Variants in ARSJ observed in about 807,000 individuals in gnomAD.
ARSJ encodes arylsulfatase J.
ARSJ carries 26 observed loss-of-function variants against 35.9 expected under a neutral mutation model. That is an observed-to-expected ratio of 0.72 (90% CI 0.53 to 1.00). The LOEUF is 1.00. Among genes scored for constraint, ARSJ ranks in the 50% least tolerant of loss-of-function variants. The pLI is 0.00. For synonymous variants in ARSJ, 294 were observed against 267.6 expected (o/e 1.10, Z -0.96); for missense variants, 667 against 723.6 (o/e 0.92, Z 0.90).
intron 1 of ARSJ, among the ~76,000 whole-genome samples, chr4:113,912,793 T>C (rs908494059): frequency 1.3e-5 from 2 of 151,592 alleles, no homozygotes; most frequent in African/African-American, 2.4e-5. Context: ...AAAGAAAAAA[T>C]GTATACATAT....
At chr4:113,950,181 T>C (rs555562884) in intron 1 of ARSJ, among the ~76,000 whole-genome samples, 4 of 152,276 alleles carry the variant, frequency 2.6e-5, no homozygotes, top group South Asian at 2.1e-4. Context: ...GAAACCTGTT[T>C]CTGAAAGAAC....
intron 1 of ARSJ, among the ~76,000 whole-genome samples, chr4:113,950,212 T>G (rs890717811): frequency 6.6e-6 from 1 of 152,114 alleles, no homozygotes; most frequent in Non-Finnish European, 1.5e-5. Context: ...TTTCCCTCCC[T>G]TTGAAGTGAT....
intron 1 of ARSJ, among the ~76,000 whole-genome samples, chr4:113,905,608 T>C (rs1236811438): frequency 6.6e-6 from 1 of 151,388 alleles, no homozygotes; most frequent in African/African-American, 2.4e-5. Flanking sequence ...AATAATCTTT[T>C]CATAAACATC....
At chr4:113,972,313 A>AAC (rs1476738381) in intron 1 of ARSJ, among the ~76,000 whole-genome samples, 1 of 149,986 alleles carries the variant, frequency 6.7e-6, no homozygotes, top group Non-Finnish European at 1.5e-5. Flanking sequence ...AAAACAAAAA[A>AAC]AAAAACCCCA....
chr4:113,938,569 C>G (rs1317057884), intron 1 of ARSJ, among the ~76,000 whole-genome samples: 1 of 151,984 alleles, frequency 6.6e-6, no homozygotes, highest in East Asian at 1.9e-4. Context: ...AGCTTCTGCA[C>G]AGCAAAAGAA....
intron 1 of ARSJ, among the ~76,000 whole-genome samples, chr4:113,914,490 G>A (rs1050917181): frequency 2.0e-5 from 3 of 152,114 alleles, no homozygotes; most frequent in African/African-American, 7.2e-5. Context: ...AAAAAAAATG[G>A]TAATGTTCTC....
chr4:113,970,883 A>C (rs1326123449), intron 1 of ARSJ: 2 of 152,166 alleles, frequency 1.3e-5, no homozygotes, highest in Non-Finnish European at 2.9e-5. Context: ...TGAGCCTGGG[A>C]GGTTGAGGCT....
chr4:113,906,718 T>G (rs1224379735), intron 1 of ARSJ: 2 of 456,106 alleles, frequency 4.4e-6, no homozygotes, highest in Non-Finnish European at 8.8e-6. Context: ...GGGAAGTACT[T>G]AATCCCTCTG....
intron 1 of ARSJ, among the ~76,000 whole-genome samples, chr4:113,933,850 G>T (rs1224472600): frequency 1.3e-5 from 2 of 151,692 alleles, no homozygotes; most frequent in African/African-American, 4.8e-5. Context: ...CATTTTTATA[G>T]AATTATGTTT....
chr4:113,910,744 G>A lies in ARSJ; in HGVS notation c.399-7069C>T, dbSNP rs561133058. On this transcript the variant is annotated intron_variant, in intron 1 of 1. Coordinates refer to ENST00000315366, the MANE Select transcript of ARSJ (RefSeq NM_024590.4). ...AATCTCATGAATAAGTGAATTAATT[G>A]CTTGTTTAACACTCCTTCTCCTACA... Among the ~76,000 whole-genome samples, 2 of 152,094 alleles carry A rather than the reference G, an allele frequency of 1.3e-5. 1 individual carries two copies. Among genetic ancestry groups the A allele is most frequent in the South Asian group, 4.1e-4 (2 of 4,826 alleles).
intron 1 of ARSJ, among the ~76,000 whole-genome samples, chr4:113,965,245 G>A (rs941424178): frequency 1.3e-5 from 2 of 151,964 alleles, no homozygotes; most frequent in Admixed American, 1.3e-4. Context: ...AAACTGTATG[G>A]GAAACAATTT....
rs190654069 is a variant in ARSJ, at chr4:113,940,341, G to C, written c.399-36666C>G. Among the ~76,000 whole-genome samples, 77 of 152,204 alleles carry C rather than the reference G, an allele frequency of 5.1e-4. 1 individual carries two copies. Among genetic ancestry groups the C allele is most frequent in the African/African-American group, 1.5e-3 (64 of 41,546 alleles). On this transcript the variant is annotated intron_variant, in intron 1 of 1. Transcript: ENST00000315366. Reference sequence around the variant, plus strand: ...GGAATAAGATCATGTCCTTTGCAGGGACATGGATGGAGCTGGAAACCATTA... The same window carrying C: ...GGAATAAGATCATGTCCTTTGCAGGCACATGGATGGAGCTGGAAACCATTA...
chr4:113,925,412 C>T (rs1723991488), intron 1 of ARSJ, among the ~76,000 whole-genome samples: 1 of 152,036 alleles, frequency 6.6e-6, no homozygotes. Flanking sequence ...TGAATCCTGA[C>T]TATGGGAGAA....
chr4:113,900,783 T>C lies in ARSJ; in HGVS notation c.*1491A>G, dbSNP rs998372598. ...CCAATCTATGCTCATTGATGACCCA[T>C]GATAAACTTCATTACTGATAATACT... On this transcript the variant is annotated 3_prime_UTR_variant, in exon 2 of 2. Coordinates refer to ENST00000315366, the MANE Select transcript of ARSJ (RefSeq NM_024590.4). The C allele has an allele frequency of 1.3e-5, 2 of 152,186 alleles. No individual in the cohort carries two copies. The highest frequency in any genetic ancestry group is 1.3e-4 in the Admixed American group (2 of 15,280). 9.4% of individuals were successfully genotyped at this position (152,186 alleles called of 1,614,324 possible).
intron 1 of ARSJ, among the ~76,000 whole-genome samples, chr4:113,946,572 TACACAC>T (rs138434069): frequency 2.9e-4 from 43 of 147,302 alleles, no homozygotes; most frequent in Non-Finnish European, 5.6e-4. Flanking sequence ...ACACACACCA[TACACAC>T]ACACACACAC....
chr4:113,976,953 G>T (rs1727627531), intron 1 of ARSJ, among the ~76,000 whole-genome samples: 4 of 152,272 alleles, frequency 2.6e-5, no homozygotes, highest in South Asian at 4.1e-4. Context: ...TTTCTTGTTT[G>T]GTGAAAAGCC....
In ARSJ at chr4:113,950,004, T is replaced by A. The variant is rs1032209076; in HGVS notation, c.398+28433A>T. On this transcript the variant is annotated intron_variant, in intron 1 of 1. Coordinates refer to ENST00000315366, the MANE Select transcript of ARSJ (RefSeq NM_024590.4). ...CCTCTAGTTTCCCCCCAACTTTTAATCTGGAAATGGAGGCAGACACTGTAG... is the reference window on the plus strand; with the variant it reads ...CCTCTAGTTTCCCCCCAACTTTTAAACTGGAAATGGAGGCAGACACTGTAG... Among the ~76,000 whole-genome samples, 3 of 152,002 alleles carry A rather than the reference T, an allele frequency of 2.0e-5. No individual in the cohort carries two copies. The East Asian group carries it at 5.8e-4, about 29-fold the overall frequency.
chr4:113,961,760 T>C (rs1726550680), intron 1 of ARSJ, among the ~76,000 whole-genome samples: 1 of 152,102 alleles, frequency 6.6e-6, no homozygotes, highest in South Asian at 2.1e-4. Context: ...TTGCCAGATG[T>C]AAATCCTTAA....
chr4:113,953,796 T>G (rs1726005167), intron 1 of ARSJ, among the ~76,000 whole-genome samples: 1 of 152,006 alleles, frequency 6.6e-6, no homozygotes, highest in Admixed American at 6.6e-5. Flanking sequence ...TAAAAGGATT[T>G]TAAAAGCACT....
Sources: allele counts gnomAD v4.1 joint callset (sites outside exome capture counted in the v4.1 genomes callset), GRCh38; gene constraint gnomAD v4.1.1; transcripts MANE v1.5; gene names NCBI Gene and HGNC (gene_info 2026-07-23, HGNC 2026-07-21).